Variants in MAST2 observed in about 807,000 individuals in gnomAD.
MAST2 encodes microtubule-associated serine/threonine-protein kinase 2.
A neutral mutation model predicts 147.4 loss-of-function variants in MAST2; 70 were observed. That is an observed-to-expected ratio of 0.47 (90% CI 0.39 to 0.58). The LOEUF is 0.58. MAST2 is among the 20% of genes least tolerant of loss of function. The pLI, the probability that MAST2 is intolerant of heterozygous loss-of-function variation, is 0.00. For missense variants in MAST2, 2,080 were observed against 2,302.3 expected, an observed-to-expected ratio of 0.90 and a Z score of 1.98; for synonymous variants, 869 against 896.8, an observed-to-expected ratio of 0.97 and a Z score of 0.55.
chr1:45,824,064 AT>A (rs902822838), intron 1 of MAST2, among the ~76,000 whole-genome samples: 7 of 152,064 alleles, frequency 4.6e-5, no homozygotes, highest in African/African-American at 1.4e-4. Flanking sequence ...CCATTTAATG[AT>A]TTTTTTTAAA....
chr1:46,035,236 T>G lies in MAST2; in HGVS notation c.4567T>G (p.Leu1523Val), dbSNP rs776215300. The G allele has an allele frequency of 6.2e-7, 1 of 1,613,860 alleles. No individual in the cohort carries two copies. Among genetic ancestry groups the G allele is most frequent in the Non-Finnish European group, 8.5e-7 (1 of 1,179,968 alleles). The change falls in exon 29 of 29, where the codon TTG becomes GTG. Residue 1523 changes from leucine to valine, a missense_variant. This residue lies in a region of MAST2 where 1,278 missense variants were observed against 1,304.2 expected (regional missense o/e 0.98). Coordinates refer to ENST00000361297, the MANE Select transcript of MAST2 (RefSeq NM_015112.3). The surrounding 1 kb of genome is among the most constrained non-coding windows in gnomAD (Gnocchi z 5.5). ...ENSQGAQELSLAPHPEVSQSV... is the reference protein window; with the variant it reads ...ENSQGAQELSVAPHPEVSQSV... Reference sequence around the variant, plus strand: ...CAGCCAGGGTGCACAGGAGCTGAGCTTGGCACCTCACCCAGAAGTGAGCCA... The same window carrying G: ...CAGCCAGGGTGCACAGGAGCTGAGCGTGGCACCTCACCCAGAAGTGAGCCA...
intron 7 of MAST2, among the ~76,000 whole-genome samples, chr1:46,005,709 C>T (rs1016743173): frequency 1.3e-5 from 2 of 152,172 alleles, no homozygotes; most frequent in Non-Finnish European, 2.9e-5. Context: ...TGCTGGACAT[C>T]AGGCCATAGT....
chr1:45,961,263 G>C (rs1186100154), intron 5 of MAST2, among the ~76,000 whole-genome samples: 1 of 151,934 alleles, frequency 6.6e-6, no homozygotes, highest in Non-Finnish European at 1.5e-5. Flanking sequence ...GAAATTAGCT[G>C]GATTAGCTCA....
At chr1:45,977,393 C>G (rs1341338524) in intron 5 of MAST2, among the ~76,000 whole-genome samples, 1 of 152,062 alleles carries the variant, frequency 6.6e-6, no homozygotes, top group Non-Finnish European at 1.5e-5. Context: ...GAGGCTGAGG[C>G]AGGAGAATGG....
chr1:45,823,951 T>G (rs1424491758), intron 1 of MAST2, among the ~76,000 whole-genome samples: 3 of 152,218 alleles, frequency 2.0e-5, no homozygotes, highest in Non-Finnish European at 4.4e-5. Flanking sequence ...TGAAAACCTG[T>G]ATTTAGCTCC....
In MAST2 at chr1:45,994,448, G is replaced by T. The variant is rs185937605; in HGVS notation, c.593-3276G>T. ...ATTACAGGCATGTGCCAGCACAGCC[G>T]GTTAATTTTTGTATTTTTAGTAGAG... On this transcript the variant is annotated intron_variant, in intron 5 of 28. Coordinates refer to ENST00000361297, the MANE Select transcript of MAST2 (RefSeq NM_015112.3). Among the ~76,000 whole-genome samples the T allele has an allele frequency of 5.5e-3, 841 of 151,916 alleles. 12 individuals are homozygous for T. The highest frequency in any genetic ancestry group is 0.02 in the African/African-American group (823 of 41,396).
At chr1:45,856,236 G>GA (rs1347523335) in intron 3 of MAST2, among the ~76,000 whole-genome samples, 1 of 152,150 alleles carries the variant, frequency 6.6e-6, no homozygotes, top group African/African-American at 2.4e-5. Flanking sequence ...GAGGTGGGGG[G>GA]ATTGCTTGAG....
chr1:45,905,120 C>A (rs1187228180), intron 4 of MAST2, among the ~76,000 whole-genome samples: 2 of 150,412 alleles, frequency 1.3e-5, no homozygotes. Context: ...CACAAAGTTA[C>A]TTTTGTTGTA....
chr1:45,993,949 C>CA (rs1465696562), intron 5 of MAST2, among the ~76,000 whole-genome samples: 2 of 152,090 alleles, frequency 1.3e-5, no homozygotes, highest in Non-Finnish European at 2.9e-5. Context: ...TTTATTGTGG[C>CA]AAAAAACATA....
At position 46,023,558 on chromosome 1, in the gene MAST2, G is replaced by A. The variant is rs923690826; in HGVS notation, c.1572-214G>A. Reference sequence around the variant, plus strand: ...CGCATCCTCCATTCCCTGAGCTCTGGGGAAGCATTGAGCCGTGTCATCAGG... The same window carrying A: ...CGCATCCTCCATTCCCTGAGCTCTGAGGAAGCATTGAGCCGTGTCATCAGG... On this transcript the variant is annotated intron_variant, in intron 14 of 28. Transcript: ENST00000361297. The surrounding 1 kb of genome is among the most constrained non-coding windows in gnomAD (Gnocchi z 4.9). 22 of 620,254 alleles carry A rather than the reference G, an allele frequency of 3.5e-5. No homozygotes were observed. In the East Asian group the frequency reaches 5.8e-4, roughly 16 times the overall value. The allele number at this position is 620,254 out of a possible 1,614,324, so 38.4% of individuals were successfully genotyped here. A position where few individuals can be genotyped will look rare whatever the true frequency, so the allele number is the denominator to read the frequency against.
At chr1:45,862,250 G>A (rs1327190389) in intron 3 of MAST2, among the ~76,000 whole-genome samples, 1 of 152,160 alleles carries the variant, frequency 6.6e-6, no homozygotes, top group Non-Finnish European at 1.5e-5. Flanking sequence ...TTTCATAAAT[G>A]ATTCCTTTCA....
chr1:45,987,777 A>ATTTTT, intron 5 of MAST2, among the ~76,000 whole-genome samples: 92 of 21,796 alleles, frequency 4.2e-3, no homozygotes, highest in African/African-American at 5.1e-3. Context: ...TTTTTTTTTG[A>ATTTTT]TTTTTTTTTT....
chr1:46,025,599 A>G, intron 15 of MAST2, 78 bp from the exon 16 acceptor site: 3 of 1,579,152 alleles, frequency 1.9e-6, no homozygotes, highest in Non-Finnish European at 2.6e-6. Flanking sequence ...CTGGGACCTC[A>G]GAAACTGCCA....
Position 45,956,356 on chromosome 1 carries a change from A to C in MAST2, c.501-3030A>C, listed in dbSNP as rs192959361. Among the ~76,000 whole-genome samples the C allele has an allele frequency of 2.0e-4, 31 of 152,236 alleles. 1 individual carries two copies. The highest frequency in any genetic ancestry group is 2.9e-5 in the Non-Finnish European group (2 of 68,008). On this transcript the variant is annotated intron_variant, in intron 4 of 28. Coordinates refer to ENST00000361297, the MANE Select transcript of MAST2 (RefSeq NM_015112.3). The stretch of plus-strand genomic sequence containing the variant: ...CTCCTAAATGTTCCTCATATCACCA[A>C]CCCTTACTGTGGGTGGTACAATGCC...
intron 11 of MAST2, 47 bp from the exon 12 acceptor site, chr1:46,021,902 CT>C: frequency 6.2e-7 from 1 of 1,604,606 alleles, no homozygotes; most frequent in Non-Finnish European, 8.5e-7. Context: ...ATGCCAGCAG[CT>C]TTCGCTTATA....
chr1:45,927,976 A>C (rs1177926757), intron 4 of MAST2, among the ~76,000 whole-genome samples: 1 of 152,196 alleles, frequency 6.6e-6, no homozygotes, highest in African/African-American at 2.4e-5. Flanking sequence ...GGGGTCCCTG[A>C]CTTCCTGCAA....
intron 5 of MAST2, among the ~76,000 whole-genome samples, chr1:45,959,926 G>C (rs1191396983): frequency 6.6e-6 from 1 of 152,146 alleles, no homozygotes; most frequent in Non-Finnish European, 1.5e-5. Flanking sequence ...AGCAAGAGGA[G>C]TATGTGTTTG....
At chr1:45,905,849 A>AT (rs1303576955) in intron 4 of MAST2, among the ~76,000 whole-genome samples, 5 of 152,040 alleles carry the variant, frequency 3.3e-5, no homozygotes, top group Non-Finnish European at 7.4e-5. Context: ...TGGTAAGTGT[A>AT]TGTTTAAGTT....
chr1:45,931,050 G>T (rs1207067041), intron 4 of MAST2, among the ~76,000 whole-genome samples: 1 of 152,150 alleles, frequency 6.6e-6, no homozygotes, highest in East Asian at 1.9e-4. Context: ...ATTAAAATCA[G>T]AAAATTAACA....
Sources: allele counts gnomAD v4.1 joint callset (sites outside exome capture counted in the v4.1 genomes callset), GRCh38; gene constraint gnomAD v4.1.1; regional missense constraint gnomAD v4.1.1; non-coding constraint Gnocchi (gnomAD v3.1); transcripts MANE v1.5; gene names NCBI Gene and HGNC (gene_info 2026-07-23, HGNC 2026-07-21).